The following VAV2 variants were observed in gnomAD, a reference collection of about 807,000 sequenced individuals.
VAV2 encodes guanine nucleotide exchange factor VAV2.
A neutral mutation model predicts 132.5 loss-of-function variants in VAV2; 67 were observed. The ratio of observed to expected loss-of-function variants is 0.51; its 90% CI spans 0.42 to 0.62. The LOEUF (loss-of-function observed/expected upper bound fraction) is 0.62. Ranked by LOEUF, VAV2 falls within the 20% of genes least tolerant of loss-of-function variation. The pLI, the probability that VAV2 is intolerant of heterozygous loss-of-function variation, is 0.00. For missense variants in VAV2, 938 were observed against 1,153.6 expected (o/e 0.81, Z 2.71); for synonymous variants, 492 against 443.5 (o/e 1.11, Z -1.37).
At chr9:133,810,122 G>A in intron 6 of VAV2, 69 bp downstream of exon 6, 2 of 1,607,292 alleles carry the variant, frequency 1.2e-6, no homozygotes, top group Non-Finnish European at 1.7e-6. Context: ...AGAGGTCTGA[G>A]ACCTCCCTGA....
At chr9:133,881,269 T>C (rs1195787650) in intron 2 of VAV2, among the ~76,000 whole-genome samples, 3 of 152,256 alleles carry the variant, frequency 2.0e-5, no homozygotes, top group Non-Finnish European at 4.4e-5. Flanking sequence ...GGCATGATGC[T>C]ATCTGCAGAT....
intron 17 of VAV2, 65 bp downstream of exon 17, chr9:133,785,711 C>G (rs887342371): frequency 3.3e-6 from 5 of 1,501,812 alleles, no homozygotes; most frequent in Non-Finnish European, 3.7e-6. Context: ...CACAATCCAC[C>G]TGGGCTTCCA....
At chr9:133,910,000 C>T (rs1448544925) in intron 2 of VAV2, among the ~76,000 whole-genome samples, 7 of 151,864 alleles carry the variant, frequency 4.6e-5, no homozygotes, top group East Asian at 1.9e-4. Context: ...CAGCCCCCCA[C>T]GAGCCACACG....
intron 1 of VAV2, among the ~76,000 whole-genome samples, chr9:133,973,382 T>C (rs1282252977): frequency 6.6e-6 from 1 of 152,084 alleles, no homozygotes; most frequent in Admixed American, 6.5e-5. Context: ...TTCTGGTGTA[T>C]GGTAACATCA....
intron 2 of VAV2, among the ~76,000 whole-genome samples, chr9:133,862,840 G>A (rs1401983757): frequency 2.0e-5 from 3 of 152,190 alleles, no homozygotes; most frequent in East Asian, 1.9e-4. Flanking sequence ...AGCCTGTTCC[G>A]CTTCCAGCAG....
In VAV2 at chr9:133,884,084, G is replaced by A. The variant is rs186034378; in HGVS notation, c.322-22652C>T. On this transcript the variant is annotated intron_variant, in intron 2 of 29. Transcript: ENST00000371850. This position sits in a 1 kb window ranked among gnomAD's most constrained non-coding sequence, Gnocchi z 5.3. ...CGGGAGGCGGAGGTTGCAGCGAGGC[G>A]GAGGTTGCAGTGAGCTGAGATTGCG... Among the ~76,000 whole-genome samples, 10 of 152,160 alleles carry A rather than the reference G, an allele frequency of 6.6e-5. No homozygotes were observed. The East Asian group carries it at 1.2e-3, about 18-fold the overall frequency.
chr9:133,884,837 C>T lies in VAV2; in HGVS notation c.322-23405G>A, dbSNP rs186188737. On this transcript the variant is annotated intron_variant, in intron 2 of 29. Coordinates refer to ENST00000371850, the MANE Select transcript of VAV2 (RefSeq NM_001134398.2). The surrounding 1 kb of genome is among the most constrained non-coding windows in gnomAD (Gnocchi z 5.3). ...AGGAAGCACCACTGGGCAGGCAGCT[C>T]TATCAGAGACCACAGGTGCACACAA... 3.3e-5 allele frequency among the ~76,000 whole-genome samples: 5 copies of T among 152,246 alleles called. No homozygotes were observed. In the East Asian group the frequency reaches 9.7e-4, roughly 29 times the overall value.
intron 4 of VAV2, among the ~76,000 whole-genome samples, chr9:133,820,729 G>A (rs1835754620): frequency 6.6e-6 from 1 of 152,166 alleles, no homozygotes; most frequent in Admixed American, 6.5e-5. Context: ...TGTACCTGAG[G>A]GCCACAGCTG....
chr9:133,939,217 A>C lies in VAV2; in HGVS notation c.207T>G (p.Phe69Leu), dbSNP rs1205114199. 3 of 1,614,042 alleles carry C rather than the reference A, an allele frequency of 1.9e-6. No homozygotes were observed. The Admixed American group carries it at 5.0e-5, about 27-fold the overall frequency. Reference sequence around the variant, plus strand: ...AGGTGCGTATGTTCTTCAAACACAGAAACTAAAGGGAAAAAACAAAGGGAG... The same window carrying C: ...AGGTGCGTATGTTCTTCAAACACAGCAACTAAAGGGAAAAAACAAAGGGAG... ...DINFRPQMSQ[F>L]LCLKNIRTFL... Residue 69 changes from phenylalanine to leucine, a missense_variant and splice_region_variant, in exon 2 of 30, where the codon TTT (phenylalanine) becomes TTG (leucine). Physicochemically the swap from Phe to Leu is conservative, Grantham distance 22 (BLOSUM62 0). Coordinates refer to ENST00000371850, the MANE Select transcript of VAV2 (RefSeq NM_001134398.2).
rs1480786455 is a variant in VAV2 at position 133,834,181 on chromosome 9, C to T, written c.449+91G>A. ...AGGGCCAGCTCTGCCTGCACTGTGG[C>T]CGCCATGTTTCCTCCTGACTCCCTG... On this transcript the variant is annotated intron_variant, in intron 4 of 29. Coordinates refer to ENST00000371850, the MANE Select transcript of VAV2 (RefSeq NM_001134398.2). This position sits in a 1 kb window ranked among gnomAD's most constrained non-coding sequence, Gnocchi z 5.9. 21 of 1,439,094 alleles carry T rather than the reference C, an allele frequency of 1.5e-5. No homozygotes were observed. Among genetic ancestry groups the T allele is most frequent in the African/African-American group, 1.3e-4 (9 of 70,834 alleles). The allele number at this position is 1,439,094 out of a possible 1,614,324, so 89.1% of individuals were successfully genotyped here. A position where few individuals can be genotyped will look rare whatever the true frequency, so the allele number is the denominator to read the frequency against.
At chr9:133,806,335 G>T (rs1471177284) in intron 8 of VAV2, among the ~76,000 whole-genome samples, 154 bp from the exon 9 acceptor site, 1 of 152,236 alleles carries the variant, frequency 6.6e-6, no homozygotes, top group Admixed American at 6.5e-5. Context: ...TGCATGCCAG[G>T]GTGTGATTCA....
chr9:133,938,714 GGTA>G (rs1841019269), intron 2 of VAV2, among the ~76,000 whole-genome samples: 2 of 151,848 alleles, frequency 1.3e-5, no homozygotes, highest in Non-Finnish European at 2.9e-5. Flanking sequence ...CTTAGGAGGT[GGTA>G]CTAACTTCGA....
At chr9:133,836,034 G>A (rs1488828736) in intron 3 of VAV2, among the ~76,000 whole-genome samples, 5 of 152,222 alleles carry the variant, frequency 3.3e-5, no homozygotes. Flanking sequence ...CACAGGCAGA[G>A]CTGAGGCTGC....
At chr9:133,806,037 G>A (rs754005623) in intron 9 of VAV2, 44 bp downstream of exon 9, 14 of 1,583,822 alleles carry the variant, frequency 8.8e-6, no homozygotes, top group Non-Finnish European at 1.2e-5. Context: ...CTCTCCCGCA[G>A]ACAGGGAGGG....
rs190108958 is a variant in VAV2, at chr9:133,776,067, C to T, written c.1979G>A (p.Arg660Gln). The change falls in exon 24 of 30, where the codon CGG (arginine) becomes CAG (glutamine). Residue 660 changes from arginine (R) to glutamine (Q), a missense_variant. Coordinates refer to ENST00000371850, the MANE Select transcript of VAV2 (RefSeq NM_001134398.2). ...GTAGTCGATCTCCCGGGATGGCGGCCGGCTGATGGGCGGCTGGTGGCAGAG... is the reference window on the plus strand; with the variant it reads ...GTAGTCGATCTCCCGGGATGGCGGCTGGCTGATGGGCGGCTGGTGGCAGAG... ...CPVDGRPPIS[R>Q]PPSREIDYTA... The T allele has an allele frequency of 5.8e-5, 94 of 1,613,138 alleles. No homozygotes were observed. In the East Asian group the frequency reaches 1.1e-3, roughly 20 times the overall value.
chr9:133,781,764 G>A (rs117446824), intron 19 of VAV2, among the ~76,000 whole-genome samples: 4,631 of 152,286 alleles, frequency 0.03, 103 homozygotes, highest in Non-Finnish European at 0.048. Context: ...CAAGGACGGC[G>A]TCCCCCAGCA....
In VAV2 at chr9:133,884,263, C is replaced by T. The variant is rs947679253; in HGVS notation, c.322-22831G>A. Among the ~76,000 whole-genome samples the T allele has an allele frequency of 5.9e-5, 9 of 152,190 alleles. No homozygotes were observed. The East Asian group carries it at 9.6e-4, about 16-fold the overall frequency. Reference sequence around the variant, plus strand: ...AATGAAGCCACCTAGATGAGCAGCACGGGAGCACACTGAATGAACATGTGA... The same window carrying T: ...AATGAAGCCACCTAGATGAGCAGCATGGGAGCACACTGAATGAACATGTGA... On this transcript the variant is annotated intron_variant, in intron 2 of 29. Coordinates refer to ENST00000371850, the MANE Select transcript of VAV2 (RefSeq NM_001134398.2). This position sits in a 1 kb window ranked among gnomAD's most constrained non-coding sequence, Gnocchi z 5.3.
chr9:133,915,806 G>A (rs555176747), intron 2 of VAV2, among the ~76,000 whole-genome samples: 2 of 87,388 alleles, frequency 2.3e-5, no homozygotes, highest in Admixed American at 2.6e-4. Flanking sequence ...TACACACGAT[G>A]CACACATGCA....
rs117957098 is a variant in VAV2, at chr9:133,889,814, T to C, written c.322-28382A>G. Among the ~76,000 whole-genome samples, 265 of 152,300 alleles carry C rather than the reference T, an allele frequency of 1.7e-3. 5 individuals are homozygous for C. The East Asian group carries it at 0.04, about 23-fold the overall frequency. ...GTTAAACCTAATCAGGCTTCCCCGA[T>C]GTGATGGTGTTTTACTCATGTCTCA... On this transcript the variant is annotated intron_variant, in intron 2 of 29. Transcript: ENST00000371850.
Sources: gnomAD v4.1 joint callset for allele counts (sites outside exome capture counted in the v4.1 genomes callset) on GRCh38, gnomAD v4.1.1 for gene constraint, Gnocchi (gnomAD v3.1) non-coding constraint, MANE v1.5 for transcripts, NCBI Gene and HGNC (gene_info 2026-07-23, HGNC 2026-07-21) for gene names.